The following VPS13B variants were observed in gnomAD, a reference collection of about 807,000 sequenced individuals.
VPS13B encodes vacuolar protein sorting 13 homolog B, also known as intermembrane lipid transfer protein VPS13B.
Under a neutral mutation model 426.4 loss-of-function variants are expected in VPS13B, and 285 were observed. The ratio of observed to expected loss-of-function variants is 0.67; its 90% CI spans 0.61 to 0.74. The LOEUF (loss-of-function observed/expected upper bound fraction) is 0.74. Among genes scored for constraint, VPS13B ranks in the 30% least tolerant of loss-of-function variants. The probability of loss-of-function intolerance (pLI) is 0.00; values close to 1 mark genes in which losing one functional copy is unlikely to be tolerated. For missense variants in VPS13B, 4,537 were observed against 4,782.6 expected (o/e 0.95, Z 1.51); for synonymous variants, 1,676 against 1,676.4 (o/e 1.00, Z 0.01).
chr8:99,148,185 C>G lies in VPS13B; in HGVS notation c.2013+175C>G, dbSNP rs543915517. Among the ~76,000 whole-genome samples, 18 of 151,488 alleles carry G rather than the reference C, an allele frequency of 1.2e-4. No homozygotes were observed. In the South Asian group the frequency reaches 3.5e-3, roughly 30 times the overall value. On this transcript the variant is annotated intron_variant, in intron 14 of 61. Transcript: ENST00000357162. ...TTGAGGCCAAGAGTTTGAGACCAGC[C>G]TAGGCAACAGCAATACCTTGTCTCT...
chr8:99,222,671 G>A (rs1451070464), intron 17 of VPS13B, among the ~76,000 whole-genome samples: 1 of 152,058 alleles, frequency 6.6e-6, no homozygotes, highest in Non-Finnish European at 1.5e-5. Flanking sequence ...TGTATTATTT[G>A]TTTTCTAACA....
chr8:99,745,383 T>C (rs1485901142), intron 39 of VPS13B, among the ~76,000 whole-genome samples: 1 of 152,132 alleles, frequency 6.6e-6, no homozygotes, highest in African/African-American at 2.4e-5. Flanking sequence ...AATCTCCCTT[T>C]ATCCATGGTT....
At chr8:99,316,439 G>T (rs1809660958) in intron 19 of VPS13B, among the ~76,000 whole-genome samples, 1 of 152,110 alleles carries the variant, frequency 6.6e-6, no homozygotes, top group Non-Finnish European at 1.5e-5. Context: ...AGGGCGTTTG[G>T]GACATGGCAT....
At chr8:99,258,752 C>T (rs774418141) in intron 17 of VPS13B, among the ~76,000 whole-genome samples, 11 of 151,920 alleles carry the variant, frequency 7.2e-5, no homozygotes, top group African/African-American at 1.9e-4. Flanking sequence ...TTATGGTCTT[C>T]GATCCATTGT....
At chr8:99,185,858 GCTCT>G in intron 16 of VPS13B, among the ~76,000 whole-genome samples, 1 of 152,128 alleles carries the variant, frequency 6.6e-6, no homozygotes, top group Non-Finnish European at 1.5e-5. Flanking sequence ...AATTTCATCA[GCTCT>G]CTGTTATAGT....
intron 54 of VPS13B, among the ~76,000 whole-genome samples, chr8:99,840,496 G>T (rs1251865649): frequency 6.6e-6 from 1 of 152,048 alleles, no homozygotes. Context: ...GTTCATCCAG[G>T]TCATTAATAA....
chr8:99,497,119 TTATA>T (rs923232228), intron 25 of VPS13B, among the ~76,000 whole-genome samples: 2 of 141,966 alleles, frequency 1.4e-5, no homozygotes, highest in African/African-American at 5.2e-5. Flanking sequence ...AAAAATATAT[TTATA>T]TATTTCATAT....
intron 34 of VPS13B, among the ~76,000 whole-genome samples, chr8:99,653,542 G>A (rs974299533): frequency 1.3e-5 from 2 of 149,470 alleles, no homozygotes; most frequent in Admixed American, 1.3e-4. Context: ...GGCCACATTA[G>A]AATTTAATAT....
chr8:99,159,786 A>G (rs1283368953), intron 15 of VPS13B, among the ~76,000 whole-genome samples: 3 of 152,082 alleles, frequency 2.0e-5, no homozygotes, highest in Non-Finnish European at 4.4e-5. Context: ...CAGTCTCCCA[A>G]GTACTGGGAC....
At chr8:99,567,566 G>T (rs34599848) in intron 31 of VPS13B, among the ~76,000 whole-genome samples, 192 of 148,230 alleles carry the variant, frequency 1.3e-3, no homozygotes, top group Non-Finnish European at 2.5e-3. Context: ...TTCTTTAAAT[G>T]TACCTTAAAA....
intron 19 of VPS13B, among the ~76,000 whole-genome samples, chr8:99,287,297 T>A (rs936833588): frequency 1.3e-5 from 2 of 151,828 alleles, no homozygotes; most frequent in Non-Finnish European, 2.9e-5. Context: ...TCTCCCTCCG[T>A]ACTGTATAGA....
intron 3 of VPS13B, among the ~76,000 whole-genome samples, chr8:99,081,539 A>G (rs1845457390): frequency 6.6e-6 from 1 of 150,430 alleles, no homozygotes; most frequent in Non-Finnish European, 1.5e-5. Flanking sequence ...CTCGTCATTT[A>G]ACATTAGGTA....
chr8:99,368,532 A>C (rs962289758), intron 19 of VPS13B, among the ~76,000 whole-genome samples: 8 of 152,314 alleles, frequency 5.3e-5, no homozygotes, highest in African/African-American at 1.9e-4. Context: ...CCTGTATCTT[A>C]AATCTATTTA....
At chr8:99,809,603 A>AT (rs577229610) in intron 44 of VPS13B, 73 bp downstream of exon 44, 8 of 1,585,112 alleles carry the variant, frequency 5.0e-6, no homozygotes, top group Admixed American at 1.7e-5. Context: ...ATAATTAATA[A>AT]TTTTTTTAAA....
chr8:99,665,877 G>C (rs1830465817), intron 35 of VPS13B, among the ~76,000 whole-genome samples: 1 of 152,118 alleles, frequency 6.6e-6, no homozygotes, highest in African/African-American at 2.4e-5. Flanking sequence ...TAGCTTGATG[G>C]GGATGGCATT....
intron 30 of VPS13B, among the ~76,000 whole-genome samples, chr8:99,530,505 T>C (rs942542357): frequency 6.6e-6 from 1 of 151,674 alleles, no homozygotes; most frequent in African/African-American, 2.4e-5. Flanking sequence ...TTCCAGCTAC[T>C]TGGGAGGCTG....
At chr8:99,380,947 G>A (rs1356153966) in intron 19 of VPS13B, among the ~76,000 whole-genome samples, 1 of 150,168 alleles carries the variant, frequency 6.7e-6, no homozygotes, top group Non-Finnish European at 1.5e-5. Context: ...TTATAATATA[G>A]GTAAGCTTGT....
At chr8:99,384,573 A>G (rs1814012868) in intron 20 of VPS13B, among the ~76,000 whole-genome samples, 1 of 151,966 alleles carries the variant, frequency 6.6e-6, no homozygotes, top group Non-Finnish European at 1.5e-5. Flanking sequence ...TAGGAGTCCT[A>G]TTTCACCAGT....
At chr8:99,474,276 C>G (rs1281298703) in intron 24 of VPS13B, among the ~76,000 whole-genome samples, 1 of 149,392 alleles carries the variant, frequency 6.7e-6, no homozygotes, top group East Asian at 2.0e-4. Flanking sequence ...GCAACCTCCT[C>G]CTCGCAGGTT....
Sources: gnomAD v4.1 joint callset for allele counts (sites outside exome capture counted in the v4.1 genomes callset) on GRCh38, gnomAD v4.1.1 for gene constraint, MANE v1.5 for transcripts, NCBI Gene and HGNC (gene_info 2026-07-23, HGNC 2026-07-21) for gene names.